The following PUS3 variants were observed in gnomAD, a reference collection of about 807,000 sequenced individuals.
PUS3 encodes the protein pseudouridine synthase 3.
PUS3 carries 36 observed loss-of-function variants against 43.3 expected under a neutral mutation model. The ratio of observed to expected loss-of-function variants is 0.83; its 90% CI spans 0.64 to 1.10. PUS3 has a LOEUF of 1.10. Ranked by LOEUF, PUS3 falls within the 50% of genes least tolerant of loss-of-function variation. The probability of loss-of-function intolerance (pLI) is 0.00; values close to 1 mark genes in which losing one functional copy is unlikely to be tolerated. For missense variants in PUS3, 544 were observed against 589.9 expected, an observed-to-expected ratio of 0.92 and a Z score of 0.81; for synonymous variants, 183 against 199.2, an observed-to-expected ratio of 0.92 and a Z score of 0.69.
At chr11:125,902,603 A>AAAG (rs1349019877) in intron 1 of PUS3, among the ~76,000 whole-genome samples, 1 of 150,440 alleles carries the variant, frequency 6.6e-6, no homozygotes, top group African/African-American at 2.4e-5. Context: ...CAGTCTTAAA[A>AAAG]AAAAAAAAAA....
At position 125,895,669 on chromosome 11, in the gene PUS3, C is replaced by A; in HGVS notation, c.499G>T (p.Val167Leu). ...EIRYTHILNR[V>L]LPPDIRILAW... ...AATATACGGATGTCTGGAGGGAGTACCCGATTGAGAATGTGGGTATAACGG... is the reference window on the plus strand; with the variant it reads ...AATATACGGATGTCTGGAGGGAGTAACCGATTGAGAATGTGGGTATAACGG... The change falls in exon 3 of 4, where the codon GTA becomes TTA. Residue 167 changes from valine to leucine, a missense_variant. Val to Leu is a conservative substitution (Grantham distance 32, BLOSUM62 1). Transcript: ENST00000227474. 1 of 1,614,166 alleles carries A rather than the reference C, an allele frequency of 6.2e-7. No homozygotes were observed. Among genetic ancestry groups the A allele is most frequent in the African/African-American group, 1.3e-5 (1 of 75,046 alleles).
rs370432628 is a variant in PUS3 at position 125,895,801 on chromosome 11, G to A, written c.379-12C>T. 7 of 1,587,310 alleles carry A rather than the reference G, an allele frequency of 4.4e-6. No homozygotes were observed. Among genetic ancestry groups the A allele is most frequent in the African/African-American group, 1.3e-5 (1 of 74,330 alleles). On this transcript the variant is annotated splice_polypyrimidine_tract_variant and intron_variant, in intron 2 of 3. Transcript: ENST00000227474. ...TCAAGTGAGATCACCTGTGGAGTTA[G>A]ACAAAGATACTGGGTTTTAGAGACA...
chr11:125,899,953 T>C lies in PUS3; in HGVS notation c.-47+3217A>G, dbSNP rs1404073333. 6.2e-7 allele frequency: 1 copy of C among 1,614,238 alleles called. No homozygotes were observed. Among genetic ancestry groups the C allele is most frequent in the Non-Finnish European group, 8.5e-7 (1 of 1,180,050 alleles). ...TTGTTGCCAGCAGACCCAAGTCCTT[T>C]ATTCTCCCAAAGCTGGACCAGTTAA... is the stretch of plus-strand genomic sequence containing the variant. On this transcript the variant is annotated intron_variant, in intron 1 of 3. Coordinates refer to ENST00000227474, the MANE Select transcript of PUS3 (RefSeq NM_031307.4).
chr11:125,900,330 T>C, intron 1 of PUS3: 1 of 1,502,098 alleles, frequency 6.7e-7, no homozygotes, highest in Non-Finnish European at 9.3e-7. Flanking sequence ...ATCTTCCCTT[T>C]TAAATAGAAA....
At position 125,893,800 on chromosome 11, in the gene PUS3, A is replaced by C. The variant is rs1217718619; in HGVS notation, c.1431T>G (p.Ile477Met). The C allele has an allele frequency of 2.5e-6, 4 of 1,608,250 alleles. No individual in the cohort carries two copies. The highest frequency in any genetic ancestry group is 1.7e-6 in the Non-Finnish European group (2 of 1,176,850). Reference protein sequence around the residue: ...PTKRVCVDTEIKSII With the variant: ...PTKRVCVDTEMKSII Reference sequence around the variant, plus strand: ...TTGTCTATGGTTAAATGATGCTTTTAATTTCTGTGTCAACACAGACCCTCT... The same window carrying C: ...TTGTCTATGGTTAAATGATGCTTTTCATTTCTGTGTCAACACAGACCCTCT... Residue 477 changes from isoleucine to methionine, a missense_variant, in exon 4 of 4, where the codon ATT becomes ATG. By Grantham distance (10) the Ile-to-Met change is conservative. Coordinates refer to ENST00000227474, the MANE Select transcript of PUS3 (RefSeq NM_031307.4).
Position 125,897,145 on chromosome 11 carries a change from G to T in PUS3, c.-46-815C>A, listed in dbSNP as rs545373061. 5.3e-5 allele frequency among the ~76,000 whole-genome samples: 8 copies of T among 152,244 alleles called. No homozygotes were observed. The East Asian group carries it at 1.3e-3, about 26-fold the overall frequency. On this transcript the variant is annotated intron_variant, in intron 1 of 3. Coordinates refer to ENST00000227474, the MANE Select transcript of PUS3 (RefSeq NM_031307.4). ...GGTCCTAGACAATCTGTGACTGATG[G>T]TTACTTTAGTTAGAGAAGACCATCT...
intron 3 of PUS3, among the ~76,000 whole-genome samples, chr11:125,894,520 G>C (rs1944515786): frequency 6.6e-6 from 1 of 152,146 alleles, no homozygotes; most frequent in African/African-American, 2.4e-5. Flanking sequence ...AAATGTCAGT[G>C]CTAACAAGAC....
chr11:125,898,568 T>G (rs2134254001), intron 1 of PUS3, among the ~76,000 whole-genome samples: 1 of 152,072 alleles, frequency 6.6e-6, no homozygotes, highest in South Asian at 2.1e-4. Flanking sequence ...GTCCAGTTAC[T>G]CCGGAGTCTT....
intron 1 of PUS3, chr11:125,900,271 C>CT: frequency 6.2e-7 from 1 of 1,613,692 alleles, no homozygotes; most frequent in East Asian, 2.2e-5. Context: ...CTTCTTAAAT[C>CT]TTTTTAAACT....
At chr11:125,899,544 G>C (rs1448232382) in intron 1 of PUS3, 1 of 1,614,122 alleles carries the variant, frequency 6.2e-7, no homozygotes. Context: ...GTAGCCCCAG[G>C]GAAGCGACCT....
chr11:125,901,787 TTAAA>T (rs1944779420), intron 1 of PUS3, among the ~76,000 whole-genome samples: 2 of 152,184 alleles, frequency 1.3e-5, no homozygotes, highest in South Asian at 4.1e-4. Context: ...CATTAGAATA[TTAAA>T]TAGTCATTGG....
intron 1 of PUS3, among the ~76,000 whole-genome samples, chr11:125,898,412 G>A (rs761287042): frequency 1.4e-4 from 22 of 152,140 alleles, no homozygotes; most frequent in South Asian, 2.1e-4. Flanking sequence ...ACAGCTGGGC[G>A]CGGTGGCTCA....
At position 125,894,280 on chromosome 11, in the gene PUS3, A is replaced by G; in HGVS notation, c.951T>C (p.Ala317=). The part of the protein sequence containing the change: ...KNPQKPQYSM[A]VEFPLVLYDC... ...CATATAAGACTAGAGGAAATTCTACAGCCATACTAGAGAAAAAGAGAAAAG... is the reference window on the plus strand; with the variant it reads ...CATATAAGACTAGAGGAAATTCTACGGCCATACTAGAGAAAAAGAGAAAAG... The change falls in exon 4 of 4, where the codon GCT becomes GCC. Residue 317 remains alanine (A), a synonymous_variant. Transcript: ENST00000227474. 1.3e-6 allele frequency: 2 copies of G among 1,596,882 alleles called. No homozygotes were observed. Among genetic ancestry groups the G allele is most frequent in the South Asian group, 2.2e-5 (2 of 89,526 alleles).
intron 1 of PUS3, chr11:125,900,354 A>C: frequency 1.5e-6 from 2 of 1,307,536 alleles, no homozygotes; most frequent in Non-Finnish European, 2.2e-6. Context: ...CTGTCTTGAG[A>C]AGCTCTTCGA....
Position 125,899,565 on chromosome 11 carries a change from T to A in PUS3, c.-46-3235A>T, listed in dbSNP as rs200929246. ...CCAGGGAAGCGACCTGCTCTTCCTGTGCAACTACAGTACCCACATGTAGAA... is the reference window on the plus strand; with the variant it reads ...CCAGGGAAGCGACCTGCTCTTCCTGAGCAACTACAGTACCCACATGTAGAA... On this transcript the variant is annotated intron_variant, in intron 1 of 3. Transcript: ENST00000227474. 3.7e-6 allele frequency: 6 copies of A among 1,614,072 alleles called. No homozygotes were observed. The African/African-American group carries it at 8.0e-5, about 22-fold the overall frequency.
In PUS3 at chr11:125,895,165, A is replaced by G. The variant is rs139186616; in HGVS notation, c.944+59T>C. The G allele has an allele frequency of 1.6e-5, 23 of 1,396,900 alleles. No individual in the cohort carries two copies. In the South Asian group the frequency reaches 3.0e-4, roughly 18 times the overall value. The allele number at this position is 1,396,900 out of a possible 1,614,324, so 86.5% of individuals were successfully genotyped here. ...GGCTTCAAGCAATTCTTGTGCCTCA[A>G]GCGTCCCGAGTAGCTGGGACTACAG... is the stretch of plus-strand genomic sequence containing the variant. On this transcript the variant is annotated intron_variant, in intron 3 of 3. Coordinates refer to ENST00000227474, the MANE Select transcript of PUS3 (RefSeq NM_031307.4).
At chr11:125,901,809 G>C (rs1027022820) in intron 1 of PUS3, among the ~76,000 whole-genome samples, 3 of 152,136 alleles carry the variant, frequency 2.0e-5, no homozygotes, top group African/African-American at 7.2e-5. Context: ...TGGGAATCTT[G>C]GGAAAGTAAT....
chr11:125,895,824 A>T (rs1944566554), intron 2 of PUS3, 35 bp from the exon 3 acceptor site: 26 of 1,580,360 alleles, frequency 1.6e-5, no homozygotes, highest in Non-Finnish European at 2.1e-5. Context: ...GGTTTTAGAG[A>T]CACAAATAAT....
At chr11:125,899,492 G>C (rs1311634641) in intron 1 of PUS3, 1 of 1,614,206 alleles carries the variant, frequency 6.2e-7, no homozygotes, top group South Asian at 1.1e-5. Context: ...TGTCAGGAGA[G>C]AAGCCCAATC....
Sources: gnomAD v4.1 joint callset for allele counts (sites outside exome capture counted in the v4.1 genomes callset) on GRCh38, gnomAD v4.1.1 for gene constraint, MANE v1.5 for transcripts, NCBI Gene and HGNC (gene_info 2026-07-23, HGNC 2026-07-21) for gene names.